ERCC8: variants seen among roughly 807,000 people sequenced by gnomAD.
ERCC8 encodes ERCC excision repair 8, CSA ubiquitin ligase complex subunit.
Under a neutral mutation model 54.9 loss-of-function variants are expected in ERCC8, and 52 were observed. That is an observed-to-expected ratio of 0.95 (90% confidence interval 0.76 to 1.19). The LOEUF is 1.19. Among genes scored for constraint, ERCC8 ranks in the 50% most tolerant of loss-of-function variants. ERCC8 has a pLI of 0.00. For missense variants in ERCC8, 514 were observed against 466.1 expected (o/e 1.10, Z -0.95); for synonymous variants, 146 against 157.2 (o/e 0.93, Z 0.53).
At chr5:60,906,439 C>T (rs1749073972) in intron 4 of ERCC8, among the ~76,000 whole-genome samples, 1 of 151,732 alleles carries the variant, frequency 6.6e-6, no homozygotes, top group African/African-American at 2.4e-5. Context: ...ATCATTTAAA[C>T]TATAAATGGC....
At chr5:60,891,342 T>A (rs1314199780) in intron 9 of ERCC8, among the ~76,000 whole-genome samples, 1 of 152,138 alleles carries the variant, frequency 6.6e-6, no homozygotes, top group Non-Finnish European at 1.5e-5. Flanking sequence ...GACTTCAACC[T>A]TGAAGAATCA....
rs1381988742 is a variant in ERCC8, at chr5:60,873,261, ATGG to A, written c.*1351_*1353del. 6.6e-6 allele frequency among the ~76,000 whole-genome samples: 1 copy of A among 152,224 alleles called. No homozygotes were observed. Among genetic ancestry groups the A allele is most frequent in the Non-Finnish European group, 1.5e-5 (1 of 68,042 alleles). On this transcript the variant is annotated 3_prime_UTR_variant, in exon 12 of 12. Coordinates refer to ENST00000676185, the MANE Select transcript of ERCC8 (RefSeq NM_000082.4). ...TATGCTTCAAAACAGTATGTTGTAC[ATGG>A]TAAATACATACAATTTTATCTGCCA...
intron 11 of ERCC8, among the ~76,000 whole-genome samples, chr5:60,878,587 C>T (rs933438118): frequency 2.7e-4 from 41 of 151,996 alleles, no homozygotes; most frequent in Admixed American, 9.2e-4. Context: ...ACTTCTTCCT[C>T]GTTTAGTCTT....
intron 4 of ERCC8, among the ~76,000 whole-genome samples, chr5:60,910,248 TTTC>T (rs1385296805): frequency 6.6e-6 from 1 of 152,202 alleles, no homozygotes; most frequent in African/African-American, 2.4e-5. Context: ...GTATGGTGTT[TTTC>T]TTTTTTACTT....
At chr5:60,891,718 GT>G (rs1453983819) in intron 9 of ERCC8, among the ~76,000 whole-genome samples, 1 of 151,736 alleles carries the variant, frequency 6.6e-6, no homozygotes, top group Non-Finnish European at 1.5e-5. Context: ...CAGAGTAGGG[GT>G]TAAATAAAGG....
intron 4 of ERCC8, among the ~76,000 whole-genome samples, chr5:60,905,572 C>T (rs1749047902): frequency 6.6e-6 from 1 of 152,230 alleles, no homozygotes. Flanking sequence ...TGTTGGCAAA[C>T]TTTCTTTAAA....
intron 4 of ERCC8, among the ~76,000 whole-genome samples, chr5:60,908,720 T>C (rs974031466): frequency 6.6e-6 from 1 of 152,016 alleles, no homozygotes; most frequent in Admixed American, 6.6e-5. Context: ...AAAAAAAGGC[T>C]GAATTGCTTG....
At chr5:60,879,118 C>T (rs1034292179) in intron 11 of ERCC8, among the ~76,000 whole-genome samples, 9 of 152,054 alleles carry the variant, frequency 5.9e-5, no homozygotes, top group East Asian at 1.9e-4. Context: ...GCCTTCATTT[C>T]GTTATGTACC....
intron 4 of ERCC8, among the ~76,000 whole-genome samples, chr5:60,909,200 C>T (rs1749171057): frequency 9.0e-6 from 1 of 111,452 alleles, no homozygotes; most frequent in Non-Finnish European, 1.7e-5. Flanking sequence ...CAAAGGATAT[C>T]TGCCTGAACA....
chr5:60,891,764 C>CT (rs747558306), intron 9 of ERCC8, among the ~76,000 whole-genome samples: 1 of 151,650 alleles, frequency 6.6e-6, no homozygotes, highest in Non-Finnish European at 1.5e-5. Flanking sequence ...TCTTGGGACT[C>CT]TTTTTCCTGG....
intron 9 of ERCC8, among the ~76,000 whole-genome samples, chr5:60,895,844 A>T (rs1474243186): frequency 6.6e-6 from 1 of 152,242 alleles, no homozygotes; most frequent in East Asian, 1.9e-4. Flanking sequence ...TCTTTCCAGT[A>T]TACCACATTC....
chr5:60,872,917 A>G lies in ERCC8; in HGVS notation c.*1698T>C, dbSNP rs1304743774. Among the ~76,000 whole-genome samples the G allele has an allele frequency of 6.6e-6, 1 of 152,200 alleles. No homozygotes were observed. The highest frequency in any genetic ancestry group is 2.4e-5 in the African/African-American group (1 of 41,448). ...GCCAGGATATGGTATCAACCTAAGCATCTGTCAATGGTTGAATGGATAAAG... is the reference window on the plus strand; with the variant it reads ...GCCAGGATATGGTATCAACCTAAGCGTCTGTCAATGGTTGAATGGATAAAG... On this transcript the variant is annotated 3_prime_UTR_variant, in exon 12 of 12. Coordinates refer to ENST00000676185, the MANE Select transcript of ERCC8 (RefSeq NM_000082.4).
chr5:60,932,687 A>G (rs1401878878), intron 1 of ERCC8, among the ~76,000 whole-genome samples: 2 of 149,606 alleles, frequency 1.3e-5, no homozygotes, highest in Non-Finnish European at 2.9e-5. Context: ...ACTGTAATAA[A>G]TCACAGTCAT....
intron 4 of ERCC8, among the ~76,000 whole-genome samples, chr5:60,905,710 C>A (rs1749051055): frequency 6.6e-6 from 1 of 152,234 alleles, no homozygotes; most frequent in Admixed American, 6.5e-5. Flanking sequence ...GCCTGCTGCA[C>A]AAACAAAATC....
intron 1 of ERCC8, among the ~76,000 whole-genome samples, chr5:60,934,714 C>G (rs1381387689): frequency 1.3e-5 from 2 of 152,202 alleles, no homozygotes; most frequent in Middle Eastern, 3.2e-3. Flanking sequence ...ATTTAAGTCT[C>G]TGATCCATCT....
intron 1 of ERCC8, among the ~76,000 whole-genome samples, chr5:60,933,216 C>T (rs796321796): frequency 0.013 from 1,203 of 89,546 alleles, 34 homozygotes; most frequent in African/African-American, 0.042. Context: ...CCTTTTTTTT[C>T]TTTTTTTTTT....
chr5:60,885,084 C>G (rs1748357023), intron 11 of ERCC8, among the ~76,000 whole-genome samples: 1 of 151,920 alleles, frequency 6.6e-6, no homozygotes, highest in Non-Finnish European at 1.5e-5. Context: ...GCAATTGTGG[C>G]TCACTGTAGC....
chr5:60,897,692 AC>A (rs1748760569), intron 9 of ERCC8, among the ~76,000 whole-genome samples: 1 of 152,232 alleles, frequency 6.6e-6, no homozygotes, highest in Non-Finnish European at 1.5e-5. Flanking sequence ...ATATTCTGGT[AC>A]TATAAAATTC....
rs367632666 is a variant in ERCC8, at chr5:60,918,274, A to G, written c.390T>C (p.Asn130=). Reference sequence around the variant, plus strand: ...GTTTTAATGTACTTACTTGTAATGTATTTGTATCCCATACTTTCAGAGTTT... The same window carrying G: ...GTTTTAATGTACTTACTTGTAATGTGTTTGTATCCCATACTTTCAGAGTTT... ...FDKTLKVWDT[N]TLQTADVFNF... is the part of the protein sequence containing the mutation. The change falls in exon 4 of 12, where the codon AAT becomes AAC. Residue 130 remains asparagine, a synonymous_variant. Transcript: ENST00000676185. The G allele has an allele frequency of 1.3e-6, 2 of 1,597,180 alleles. No individual in the cohort carries two copies. Among genetic ancestry groups the G allele is most frequent in the Non-Finnish European group, 1.7e-6 (2 of 1,165,252 alleles).
Sources: allele counts gnomAD v4.1 joint callset (sites outside exome capture counted in the v4.1 genomes callset), GRCh38; gene constraint gnomAD v4.1.1; transcripts MANE v1.5; gene names NCBI Gene and HGNC (gene_info 2026-07-23, HGNC 2026-07-21).